Variants in SYT14 observed in about 807,000 individuals in gnomAD.
The protein encoded by SYT14 is synaptotagmin 14.
A neutral mutation model predicts 74.2 loss-of-function variants in SYT14; 32 were observed. The ratio of observed to expected loss-of-function variants is 0.43; its 90% CI spans 0.33 to 0.58. The LOEUF (loss-of-function observed/expected upper bound fraction) is 0.58. Among genes scored for constraint, SYT14 ranks in the 20% least tolerant of loss-of-function variants. The pLI is 0.05. For synonymous variants in SYT14, 298 were observed against 337.7 expected, an observed-to-expected ratio of 0.88 and a Z score of 1.29; for missense variants, 791 against 981.8, an observed-to-expected ratio of 0.81 and a Z score of 2.60.
At position 210,090,585 on chromosome 1, in the gene SYT14, AATCCTCTTAT is replaced by A. The variant is rs892323908; in HGVS notation, c.1313-3735_1313-3726del. On this transcript the variant is annotated intron_variant, in intron 5 of 9. Transcript: ENST00000637265. ...AATGCTTAAAATATATCCATGCCTA[AATCCTCTTAT>A]AGATATATCATTTATATAAAAATCG... Among the ~76,000 whole-genome samples, 45 of 152,216 alleles carry A rather than the reference AATCCTCTTAT, an allele frequency of 3.0e-4. 1 individual carries two copies. The highest frequency in any genetic ancestry group is 6.5e-4 in the Non-Finnish European group (44 of 68,036).
intron 2 of SYT14, among the ~76,000 whole-genome samples, chr1:210,000,814 C>T (rs901976842): frequency 2.0e-5 from 3 of 151,936 alleles, no homozygotes; most frequent in East Asian, 3.9e-4. Context: ...GGGGTTTCAC[C>T]ATCTTGGCCA....
chr1:210,082,320 T>TGGAGACC (rs902467437), intron 5 of SYT14, among the ~76,000 whole-genome samples: 2 of 152,158 alleles, frequency 1.3e-5, no homozygotes, highest in African/African-American at 4.8e-5. Context: ...TAGGAAATAA[T>TGGAGACC]GGAGACCAAC....
chr1:210,140,134 C>A (rs2082884223), intron 7 of SYT14, among the ~76,000 whole-genome samples: 1 of 152,122 alleles, frequency 6.6e-6, no homozygotes, highest in East Asian at 1.9e-4. Flanking sequence ...TATTATCTGT[C>A]TTTTTATGTA....
chr1:210,084,403 A>G (rs1198936111), intron 5 of SYT14, among the ~76,000 whole-genome samples: 5 of 152,158 alleles, frequency 3.3e-5, no homozygotes, highest in Non-Finnish European at 7.3e-5. Context: ...AACATTATTG[A>G]CATGGCAAGC....
At chr1:209,999,987 A>G (rs545475017) in intron 2 of SYT14, among the ~76,000 whole-genome samples, 6 of 152,316 alleles carry the variant, frequency 3.9e-5, no homozygotes, top group East Asian at 3.9e-4. Context: ...AACACATTCT[A>G]TTCTTGTAAC....
At chr1:210,055,142 G>A (rs2081071826) in intron 5 of SYT14, among the ~76,000 whole-genome samples, 1 of 152,172 alleles carries the variant, frequency 6.6e-6, no homozygotes, top group Non-Finnish European at 1.5e-5. Context: ...TGAGTCAAGA[G>A]ATGAATAAGC....
At chr1:210,035,580 A>T (rs2080642314) in intron 5 of SYT14, among the ~76,000 whole-genome samples, 1 of 151,806 alleles carries the variant, frequency 6.6e-6, no homozygotes, top group African/African-American at 2.4e-5. Context: ...CCATCTTGAG[A>T]TAATTTTTTT....
chr1:210,160,236 T>C (rs2083345991), intron 9 of SYT14, among the ~76,000 whole-genome samples: 1 of 152,214 alleles, frequency 6.6e-6, no homozygotes, highest in South Asian at 2.1e-4. Flanking sequence ...TTTGCATTCT[T>C]GTCTTCCTCT....
intron 5 of SYT14, among the ~76,000 whole-genome samples, chr1:210,028,345 A>G (rs550839961): frequency 1.5e-3 from 211 of 141,144 alleles, no homozygotes; most frequent in African/African-American, 5.3e-3. Context: ...TTTCAATTCT[A>G]TTGTTGTGCA....
intron 5 of SYT14, among the ~76,000 whole-genome samples, chr1:210,077,140 A>G (rs2081516799): frequency 6.6e-6 from 1 of 151,770 alleles, no homozygotes; most frequent in Non-Finnish European, 1.5e-5. Context: ...TGATGCCAGC[A>G]TCTTCTCGGC....
intron 7 of SYT14, among the ~76,000 whole-genome samples, chr1:210,112,003 C>T (rs2082271926): frequency 6.6e-6 from 1 of 151,128 alleles, no homozygotes; most frequent in Non-Finnish European, 1.5e-5. Flanking sequence ...TACCAAGAGC[C>T]TGAGAAACTG....
intron 2 of SYT14, among the ~76,000 whole-genome samples, chr1:209,977,324 G>GT (rs1339026643): frequency 1.3e-5 from 2 of 152,316 alleles, no homozygotes; most frequent in African/African-American, 4.8e-5. Context: ...AATTTGGCAT[G>GT]TTTTTGCAGT....
chr1:210,156,461 A>G (rs1219320466), intron 8 of SYT14, among the ~76,000 whole-genome samples: 1 of 152,110 alleles, frequency 6.6e-6, no homozygotes, highest in Non-Finnish European at 1.5e-5. Flanking sequence ...CAAACAGAAT[A>G]AGGAACAGTT....
chr1:210,106,849 A>G (rs1269183948), intron 7 of SYT14, among the ~76,000 whole-genome samples: 2 of 152,086 alleles, frequency 1.3e-5, no homozygotes, highest in Non-Finnish European at 2.9e-5. Context: ...CAGTCCCCCA[A>G]AGTCTTAACT....
At chr1:210,067,732 G>T (rs1213286614) in intron 5 of SYT14, among the ~76,000 whole-genome samples, 1 of 151,754 alleles carries the variant, frequency 6.6e-6, no homozygotes, top group African/African-American at 2.4e-5. Flanking sequence ...TGCATTTTTG[G>T]CAATCTGATA....
chr1:210,079,914 G>A (rs974161981), intron 5 of SYT14, among the ~76,000 whole-genome samples: 6 of 152,172 alleles, frequency 3.9e-5, no homozygotes, highest in Non-Finnish European at 8.8e-5. Context: ...AAATTTAATA[G>A]GGAATTATTT....
chr1:210,123,239 T>C (rs995242220), intron 7 of SYT14, among the ~76,000 whole-genome samples: 4 of 131,716 alleles, frequency 3.0e-5, no homozygotes, highest in Admixed American at 2.3e-4. Flanking sequence ...TATATATATA[T>C]ACATTCACAT....
chr1:209,959,534 A>G (rs1429370594), intron 2 of SYT14, among the ~76,000 whole-genome samples: 1 of 152,260 alleles, frequency 6.6e-6, no homozygotes, highest in East Asian at 1.9e-4. Context: ...ATATTGACAC[A>G]GTGGAATATT....
At chr1:209,981,427 CTTTT>C (rs895881426) in intron 2 of SYT14, among the ~76,000 whole-genome samples, 1 of 122,436 alleles carries the variant, frequency 8.2e-6, no homozygotes, top group Admixed American at 8.5e-5. Flanking sequence ...TCTTTTCTTT[CTTTT>C]TCTTTTTCTT....
Sources: gnomAD v4.1 joint callset for allele counts (sites outside exome capture counted in the v4.1 genomes callset) on GRCh38, gnomAD v4.1.1 for gene constraint, MANE v1.5 for transcripts, NCBI Gene and HGNC (gene_info 2026-07-23, HGNC 2026-07-21) for gene names.